ATAD3B: variants seen among roughly 807,000 people sequenced by gnomAD.
ATAD3B encodes ATPase family AAA domain-containing protein 3B.
Under a neutral mutation model 70.2 loss-of-function variants are expected in ATAD3B, and 59 were observed. The observed-to-expected ratio is 0.84, with a 90% CI of 0.68 to 1.04. ATAD3B has a LOEUF of 1.04. Ranked by LOEUF, ATAD3B falls within the 50% of genes least tolerant of loss-of-function variation. ATAD3B has a pLI of 0.00. For missense variants in ATAD3B, 961 were observed against 913.4 expected, an observed-to-expected ratio of 1.05 and a Z score of -0.67; for synonymous variants, 423 against 388.6, an observed-to-expected ratio of 1.09 and a Z score of -1.04.
chr1:1,486,072 G>A lies in ATAD3B; in HGVS notation c.964-38G>A, dbSNP rs373738469. On this transcript the variant is annotated intron_variant, in intron 9 of 15. Coordinates refer to ENST00000673477, the MANE Select transcript of ATAD3B (RefSeq NM_031921.6). ...CCCTGTCACCGAGGCTTCCGTGGGT[G>A]CAGAGTGTCTCCCCCAAACCCCCGT... The A allele has an allele frequency of 1.5e-5, 24 of 1,612,456 alleles. No homozygotes were observed. In the African/African-American group the frequency reaches 3.1e-4, roughly 21 times the overall value.
downstream of ATAD3B, among the ~76,000 whole-genome samples, chr1:1,502,369 C>T (rs1038030040): frequency 1.2e-4 from 18 of 151,190 alleles, no homozygotes; most frequent in African/African-American, 4.1e-4. Context: ...CGCCCACCAC[C>T]GCGCCTGGCT....
At chr1:1,508,275 A>C in the ATAD3B span, among the ~76,000 whole-genome samples, 1 of 151,246 alleles carries the variant, frequency 6.6e-6, no homozygotes, top group African/African-American at 2.5e-5. Flanking sequence ...GTGTCTCCCC[A>C]CACAGTGGCT....
Position 1,489,225 on chromosome 1 carries a change from A to G in ATAD3B, c.1288A>G (p.Arg430Gly). The G allele has an allele frequency of 6.2e-7, 1 of 1,613,614 alleles. No individual in the cohort carries two copies. Among genetic ancestry groups the G allele is most frequent in the Non-Finnish European group, 8.5e-7 (1 of 1,179,636 alleles). ...GCAGGAGGAGATAAGCAAGGACCTCAGAGCCACACTGAACGCCTTCCTGTA... is the reference window on the plus strand; with the variant it reads ...GCAGGAGGAGATAAGCAAGGACCTCGGAGCCACACTGAACGCCTTCCTGTA... ...RATEEISKDL[R>G]ATLNAFLYHM... Residue 430 changes from arginine (R) to glycine (G), a missense_variant, in exon 13 of 16, where the codon AGA becomes GGA. By Grantham distance (125) the Arg-to-Gly change is moderately radical. This residue lies in a region of ATAD3B where 417 missense variants were observed against 335.0 expected (regional missense o/e 1.24). Coordinates refer to ENST00000673477, the MANE Select transcript of ATAD3B (RefSeq NM_031921.6).
In ATAD3B at chr1:1,489,236, G is replaced by A; in HGVS notation, c.1299G>A (p.Leu433=). 1 of 1,613,624 alleles carries A rather than the reference G, an allele frequency of 6.2e-7. No individual in the cohort carries two copies. Among genetic ancestry groups the A allele is most frequent in the Non-Finnish European group, 8.5e-7 (1 of 1,179,664 alleles). The change falls in exon 13 of 16, where the codon CTG becomes CTA. Residue 433 remains leucine, a synonymous_variant. Coordinates refer to ENST00000673477, the MANE Select transcript of ATAD3B (RefSeq NM_031921.6). The part of the protein sequence containing the change: ...EEISKDLRAT[L]NAFLYHMGQH... ...TAAGCAAGGACCTCAGAGCCACACTGAACGCCTTCCTGTACCACATGGGCC... is the reference window on the plus strand; with the variant it reads ...TAAGCAAGGACCTCAGAGCCACACTAAACGCCTTCCTGTACCACATGGGCC...
rs1476410196 is a variant in ATAD3B, at chr1:1,485,231, A to T, written c.906+60A>T. On this transcript the variant is annotated intron_variant, in intron 8 of 15. Transcript: ENST00000673477. ...TTCCTGGCTGAGTCCCTTCTGCCCC[A>T]CGAGCACAGCCCACGCACACCCTCC... 15 of 1,591,594 alleles carry T rather than the reference A, an allele frequency of 9.4e-6. No homozygotes were observed. In the Admixed American group the frequency reaches 2.1e-4, roughly 22 times the overall value.
At chr1:1,494,792 C>T (rs1440150094) in intron 15 of ATAD3B, among the ~76,000 whole-genome samples, 1 of 151,970 alleles carries the variant, frequency 6.6e-6, no homozygotes, top group Non-Finnish European at 1.5e-5. Flanking sequence ...TCCAGGTGTC[C>T]TGGTGCACTC....
At position 1,486,356 on chromosome 1, in the gene ATAD3B, G is replaced by A; in HGVS notation, c.1089+121G>A. The stretch of plus-strand genomic sequence containing the variant: ...CCCTTAGGCCTTTGCCTACCCTCGT[G>A]TAGGCTCAGGGTGCTGGTGTGGGCA... On this transcript the variant is annotated intron_variant, in intron 10 of 15. Coordinates refer to ENST00000673477, the MANE Select transcript of ATAD3B (RefSeq NM_031921.6). 3.1e-6 allele frequency: 5 copies of A among 1,588,978 alleles called. 1 individual carries two copies. The highest frequency in any genetic ancestry group is 2.6e-6 in the Non-Finnish European group (3 of 1,170,068).
In ATAD3B at chr1:1,495,706, A is replaced by G. The variant is rs768121440; in HGVS notation, c.1836A>G (p.Thr612=). ...ACCCCTGCCTTGCCGGCCCCTGCAC[A>G]TTTAGGATATGCTCCTGGATGGGGA... is the stretch of plus-strand genomic sequence containing the variant. ...PSYPCLAGPC[T]FRICSWMGTG... is the part of the protein sequence containing the mutation. Residue 612 remains threonine, a synonymous_variant, in exon 16 of 16, where the codon ACA becomes ACG. Transcript: ENST00000673477. 1.4e-5 allele frequency: 22 copies of G among 1,613,066 alleles called. No homozygotes were observed. In the Admixed American group the frequency reaches 3.7e-4, roughly 27 times the overall value.
intron 8 of ATAD3B, 131 bp from the exon 9 acceptor site, chr1:1,485,651 G>C (rs1640167902): frequency 6.9e-7 from 1 of 1,440,296 alleles, no homozygotes; most frequent in South Asian, 1.3e-5. Flanking sequence ...CAGGGTTCCA[G>C]CTCCGGGCCG....
the ATAD3B span, chr1:1,509,369 A>G: frequency 6.2e-7 from 1 of 1,606,644 alleles, no homozygotes. Context: ...GGGAGACCAC[A>G]CCTCACGGAG....
chr1:1,509,355 C>A, the ATAD3B span: 28 of 1,610,094 alleles, frequency 1.7e-5, no homozygotes, highest in South Asian at 3.1e-4. Context: ...ATCCTGAGTC[C>A]ATGGGGAGAC....
chr1:1,509,320 C>T, the ATAD3B span: 1 of 1,612,286 alleles, frequency 6.2e-7, no homozygotes, highest in Non-Finnish European at 8.5e-7. Flanking sequence ...AGGGGGAGGC[C>T]TGGGCCCGAG....
intron 2 of ATAD3B, chr1:1,478,408 G>A: frequency 6.7e-7 from 1 of 1,497,544 alleles, no homozygotes; most frequent in Non-Finnish European, 8.9e-7. Flanking sequence ...GTTGGTGTCT[G>A]ACCTCCCTCC....
At chr1:1,495,196 A>T (rs1014136531) in intron 15 of ATAD3B, among the ~76,000 whole-genome samples, 3 of 152,014 alleles carry the variant, frequency 2.0e-5, no homozygotes, top group Non-Finnish European at 2.9e-5. Flanking sequence ...GCCTCTCGGA[A>T]GCTGCCCTGG....
chr1:1,472,050 G>C lies in ATAD3B; in HGVS notation c.166G>C (p.Glu56Gln). Residue 56 changes from glutamate (E) to glutamine (Q), a missense_variant, in exon 1 of 16, where the codon GAG becomes CAG. Coordinates refer to ENST00000673477, the MANE Select transcript of ATAD3B (RefSeq NM_031921.6). The part of the protein sequence containing the change: ...KWSNFDPTGL[E>Q]RAAKAARELE... ...GAGCAACTTCGACCCCACCGGCCTGGAGCGCGCCGCCAAGGCGGCGCGCGA... is the reference window on the plus strand; with the variant it reads ...GAGCAACTTCGACCCCACCGGCCTGCAGCGCGCCGCCAAGGCGGCGCGCGA... 1 of 1,224,650 alleles carries C rather than the reference G, an allele frequency of 8.2e-7. No homozygotes were observed. 75.9% of individuals were successfully genotyped at this position (1,224,650 alleles called of 1,614,324 possible). A position where few individuals can be genotyped will look rare whatever the true frequency, so the allele number is the denominator to read the frequency against.
In ATAD3B at chr1:1,475,660, G is replaced by A. The variant is rs1190834255; in HGVS notation, c.206-1614G>A. Among the ~76,000 whole-genome samples the A allele has an allele frequency of 1.8e-4, 26 of 148,560 alleles. 1 individual carries two copies. The South Asian group carries it at 3.3e-3, about 19-fold the overall frequency. On this transcript the variant is annotated intron_variant, in intron 1 of 15. Coordinates refer to ENST00000673477, the MANE Select transcript of ATAD3B (RefSeq NM_031921.6). ...GAACTGTCTGTGAGCACCAGCGCTC[G>A]CCCTGCACTCCACAGAGGGGGTGCC... is the stretch of plus-strand genomic sequence containing the variant.
chr1:1,489,091 A>G (rs1055003904), intron 12 of ATAD3B, 113 bp from the exon 13 acceptor site: 1 of 1,552,526 alleles, frequency 6.4e-7, no homozygotes, highest in East Asian at 2.3e-5. Context: ...TAGATCCATG[A>G]AAGTGTCGCC....
At position 1,495,988 on chromosome 1, in the gene ATAD3B, G is replaced by C; in HGVS notation, c.*171G>C. 7.3e-7 allele frequency: 1 copy of C among 1,365,760 alleles called. No individual in the cohort carries two copies. Among genetic ancestry groups the C allele is most frequent in the Non-Finnish European group, 9.4e-7 (1 of 1,061,358 alleles). The allele number at this position is 1,365,760 out of a possible 1,614,324, so 84.6% of individuals were successfully genotyped here. On this transcript the variant is annotated 3_prime_UTR_variant, in exon 16 of 16. Transcript: ENST00000673477. ...CCCTGGGGCAGAAGGAGTGGGGCAGGCGGGGTCTTTGTTCTCGGCTCCCAC... is the reference window on the plus strand; with the variant it reads ...CCCTGGGGCAGAAGGAGTGGGGCAGCCGGGGTCTTTGTTCTCGGCTCCCAC...
Position 1,486,083 on chromosome 1 carries a change from C to T in ATAD3B, c.964-27C>T, listed in dbSNP as rs187067430. 3,954 of 1,612,742 alleles carry T rather than the reference C, an allele frequency of 2.5e-3. 53 individuals are homozygous for T. The highest frequency in any genetic ancestry group is 3.0e-3 in the Non-Finnish European group (3,595 of 1,179,572). ...AGGCTTCCGTGGGTGCAGAGTGTCT[C>T]CCCCAAACCCCCGTCTTCCCCGGCA... is the stretch of plus-strand genomic sequence containing the variant. On this transcript the variant is annotated intron_variant, in intron 9 of 15. Transcript: ENST00000673477.
Sources: gnomAD v4.1 joint callset for allele counts (sites outside exome capture counted in the v4.1 genomes callset) on GRCh38, gnomAD v4.1.1 for gene constraint, gnomAD v4.1.1 regional missense constraint, MANE v1.5 for transcripts, NCBI Gene and HGNC (gene_info 2026-07-23, HGNC 2026-07-21) for gene names.